The following SLC2A9 variants were observed in gnomAD, a reference collection of about 807,000 sequenced individuals.
SLC2A9 encodes the protein solute carrier family 2, facilitated glucose transporter member 9.
Under a neutral mutation model 50.6 loss-of-function variants are expected in SLC2A9, and 39 were observed. The ratio of observed to expected loss-of-function variants is 0.77; its 90% CI spans 0.60 to 1.01. The LOEUF (loss-of-function observed/expected upper bound fraction) is 1.01. Among genes scored for constraint, SLC2A9 ranks in the 50% least tolerant of loss-of-function variants. The pLI is 0.00. For missense variants in SLC2A9, 686 were observed against 677.6 expected, an observed-to-expected ratio of 1.01 and a Z score of -0.14; for synonymous variants, 324 against 276.9, an observed-to-expected ratio of 1.17 and a Z score of -1.69.
intron 1 of SLC2A9, among the ~76,000 whole-genome samples, chr4:10,030,090 T>C (rs543330674): frequency 1.5e-4 from 23 of 152,350 alleles, no homozygotes; most frequent in African/African-American, 5.3e-4. Context: ...AACATGTTCA[T>C]GTCTATCAAA....
chr4:9,841,758 C>T (rs1728118088), intron 10 of SLC2A9, among the ~76,000 whole-genome samples: 1 of 152,096 alleles, frequency 6.6e-6, no homozygotes, highest in East Asian at 1.9e-4. Context: ...TTGTCAGGGG[C>T]ATATTCTACT....
chr4:10,011,715 T>C (rs1385276820), intron 2 of SLC2A9, among the ~76,000 whole-genome samples: 1 of 152,182 alleles, frequency 6.6e-6, no homozygotes, highest in African/African-American at 2.4e-5. Context: ...GATACAACTA[T>C]GCCAATTGGA....
intron 7 of SLC2A9, among the ~76,000 whole-genome samples, chr4:9,916,006 C>T (rs1233258611): frequency 1.3e-5 from 2 of 152,118 alleles, no homozygotes; most frequent in African/African-American, 4.8e-5. Flanking sequence ...GGGAAAGTAC[C>T]ACAGTTTTCT....
intron 10 of SLC2A9, among the ~76,000 whole-genome samples, chr4:9,858,366 T>A (rs1015800748): frequency 6.6e-6 from 1 of 152,210 alleles, no homozygotes; most frequent in African/African-American, 2.4e-5. Context: ...TTCTCTTTGT[T>A]AATGGACTGA....
intron 8 of SLC2A9, among the ~76,000 whole-genome samples, chr4:9,903,444 C>T (rs1330373333): frequency 6.6e-6 from 1 of 152,074 alleles, no homozygotes; most frequent in African/African-American, 2.4e-5. Flanking sequence ...GCCTGAATGA[C>T]GCTCACTGGA....
chr4:10,021,420 T>C lies in SLC2A9; in HGVS notation c.10A>G (p.Lys4Glu). Residue 4 changes from lysine (K) to glutamate (E), a missense_variant, in exon 1 of 12, where the codon AAA becomes GAA. Transcript: ENST00000264784. ...AGTTCCTTGGAATTCCTATTTTGTT[T>C]CCTTGCCATGGGTCTCAGTGACCCA... MAR[K>E]QNRNSKELGL... 1 of 1,614,208 alleles carries C rather than the reference T, an allele frequency of 6.2e-7. No homozygotes were observed. Among genetic ancestry groups the C allele is most frequent in the Non-Finnish European group, 8.5e-7 (1 of 1,180,024 alleles).
chr4:9,921,359 C>A (rs185731129), intron 6 of SLC2A9, among the ~76,000 whole-genome samples: 1 of 152,100 alleles, frequency 6.6e-6, no homozygotes, highest in Admixed American at 6.5e-5. Context: ...TGCTTGAAGG[C>A]GGGCTGACTG....
At chr4:10,020,039 AGTGTGTGTGTGT>A (rs112964589) in intron 1 of SLC2A9, among the ~76,000 whole-genome samples, 49 of 148,084 alleles carry the variant, frequency 3.3e-4, no homozygotes, top group East Asian at 1.8e-3. Flanking sequence ...CATATTTGTG[AGTGTGTGTGTGT>A]GTGTGTGTGT....
chr4:9,854,843 C>T (rs552648849), intron 10 of SLC2A9, among the ~76,000 whole-genome samples: 4 of 152,204 alleles, frequency 2.6e-5, no homozygotes, highest in African/African-American at 7.2e-5. Context: ...ATCACATAAA[C>T]AAAAGTAAAA....
At chr4:9,832,882 G>A (rs189649830) in intron 11 of SLC2A9, among the ~76,000 whole-genome samples, 2 of 152,270 alleles carry the variant, frequency 1.3e-5, no homozygotes, top group East Asian at 3.9e-4. Flanking sequence ...TGCTGTTAAT[G>A]CTCAAACTGT....
intron 5 of SLC2A9, among the ~76,000 whole-genome samples, chr4:9,955,678 C>T (rs1399543061): frequency 6.6e-6 from 1 of 151,860 alleles, no homozygotes; most frequent in Non-Finnish European, 1.5e-5. Flanking sequence ...TGCCTTATGC[C>T]CCTCGTCAAA....
chr4:10,032,695 G>C (rs561845517), intron 1 of SLC2A9, among the ~76,000 whole-genome samples: 1 of 152,290 alleles, frequency 6.6e-6, no homozygotes, highest in Admixed American at 6.5e-5. Context: ...CACAGTCCCT[G>C]GCCATGGTCA....
intron 8 of SLC2A9, among the ~76,000 whole-genome samples, chr4:9,897,568 T>C (rs1271583616): frequency 6.6e-6 from 1 of 152,046 alleles, no homozygotes; most frequent in African/African-American, 2.4e-5. Flanking sequence ...TGATGACTGG[T>C]GTCCTTGAGC....
intron 5 of SLC2A9, among the ~76,000 whole-genome samples, chr4:9,962,377 C>T (rs1390211990): frequency 2.6e-5 from 4 of 152,210 alleles, no homozygotes; most frequent in Non-Finnish European, 5.9e-5. Flanking sequence ...CTATGGAATA[C>T]TATGCAGCCA....
intron 5 of SLC2A9, among the ~76,000 whole-genome samples, chr4:9,947,080 C>A (rs1273525871): frequency 2.6e-5 from 4 of 152,146 alleles, no homozygotes; most frequent in Admixed American, 2.6e-4. Context: ...TCCTTCCTAC[C>A]CCTCTTCCCC....
At chr4:9,782,735 A>T (rs371771975) in intron 3 of SLC2A9, 13 of 1,613,658 alleles carry the variant, frequency 8.1e-6, no homozygotes, top group Non-Finnish European at 1.1e-5. Context: ...CAGCTTCTAC[A>T]TCCCCGTTGC....
chr4:9,778,033 C>G (rs1378861555), downstream of SLC2A9, among the ~76,000 whole-genome samples: 1 of 150,444 alleles, frequency 6.6e-6, no homozygotes, highest in African/African-American at 2.5e-5. Context: ...ATTTCTACTT[C>G]TATTTTCTTT....
Position 9,908,268 on chromosome 4 carries a change from T to G in SLC2A9, c.1080A>C (p.Thr360=). The G allele has an allele frequency of 6.2e-7, 1 of 1,614,126 alleles. No homozygotes were observed. The highest frequency in any genetic ancestry group is 1.6e-4 in the Middle Eastern group (1 of 6,062). ...CGGCAGCCAAAGTCTCGATGCCCCC[T>G]GTACTCAAGGTGACGTATGGGATCT... ...PAKIPYVTLS[T]GGIETLAAVF... Residue 360 remains threonine, a synonymous_variant, in exon 8 of 12, where the codon ACA becomes ACC. Transcript: ENST00000264784.
intron 3 of SLC2A9, among the ~76,000 whole-genome samples, chr4:9,793,099 C>A (rs1440151363): frequency 6.6e-6 from 1 of 152,128 alleles, no homozygotes; most frequent in African/African-American, 2.4e-5. Context: ...TAATGAAAGA[C>A]CCTTTGAGAC....
Sources: allele counts gnomAD v4.1 joint callset (sites outside exome capture counted in the v4.1 genomes callset), GRCh38; gene constraint gnomAD v4.1.1; transcripts MANE v1.5; gene names NCBI Gene and HGNC (gene_info 2026-07-23, HGNC 2026-07-21).